KHDRBS2: variants seen among roughly 807,000 people sequenced by gnomAD.
KHDRBS2 encodes the protein KH RNA binding domain containing, signal transduction associated 2, also known as KH domain-containing, RNA-binding, signal transduction-associated protein 2.
Under a neutral mutation model 44.3 loss-of-function variants are expected in KHDRBS2, and 26 were observed. That is an observed-to-expected ratio of 0.59 (90% CI 0.43 to 0.81). The LOEUF (loss-of-function observed/expected upper bound fraction) is 0.81. Among genes scored for constraint, KHDRBS2 ranks in the 40% least tolerant of loss-of-function variants. KHDRBS2 has a pLI of 0.00. For missense variants in KHDRBS2, 476 were observed against 433.1 expected, an observed-to-expected ratio of 1.10 and a Z score of -0.88; for synonymous variants, 194 against 151.1, an observed-to-expected ratio of 1.28 and a Z score of -2.08.
At chr6:62,105,987 C>T (rs1263571996) in intron 2 of KHDRBS2, among the ~76,000 whole-genome samples, 1 of 151,852 alleles carries the variant, frequency 6.6e-6, no homozygotes, top group Non-Finnish European at 1.5e-5. Flanking sequence ...GTCTTTGTTC[C>T]CGTTGGTTTC....
At chr6:62,080,644 A>C (rs1258840567) in intron 2 of KHDRBS2, among the ~76,000 whole-genome samples, 3 of 152,126 alleles carry the variant, frequency 2.0e-5, no homozygotes, top group Non-Finnish European at 4.4e-5. Flanking sequence ...GTTCTAGATC[A>C]TCTCAATTTG....
chr6:62,276,646 A>C (rs2150193092), intron 1 of KHDRBS2, among the ~76,000 whole-genome samples: 1 of 152,240 alleles, frequency 6.6e-6, no homozygotes, highest in African/African-American at 2.4e-5. Flanking sequence ...CCCATTCATA[A>C]ATTTATTTGA....
At position 61,680,520 on chromosome 6, in the gene KHDRBS2, A is replaced by T. The variant is rs768706043; in HGVS notation, c.*443T>A. 1 of 152,556 alleles carries T rather than the reference A, an allele frequency of 6.6e-6. No homozygotes were observed. The highest frequency in any genetic ancestry group is 1.5e-5 in the Non-Finnish European group (1 of 68,156). The allele number at this position is 152,556 out of a possible 1,614,324, so 9.5% of individuals were successfully genotyped here. On this transcript the variant is annotated 3_prime_UTR_variant, in exon 9 of 9. Transcript: ENST00000281156. ...ATTAAAAGACAGGTTAAAACATCTT[A>T]TCTACAACTTTATTATCAGCTAGTT...
chr6:61,947,961 A>G (rs1268378937), intron 4 of KHDRBS2, among the ~76,000 whole-genome samples: 1 of 146,644 alleles, frequency 6.8e-6, no homozygotes, highest in Non-Finnish European at 1.5e-5. Context: ...ATAACAGAGG[A>G]ATGACAAATC....
the KHDRBS2 span, among the ~76,000 whole-genome samples, chr6:61,596,210 C>T: frequency 6.6e-6 from 1 of 152,130 alleles, no homozygotes; most frequent in African/African-American, 2.4e-5. Flanking sequence ...GCAGGCAGCC[C>T]TTACAGCTTC....
chr6:62,081,619 A>T (rs1417496266), intron 2 of KHDRBS2, among the ~76,000 whole-genome samples: 2 of 152,156 alleles, frequency 1.3e-5, no homozygotes, highest in Admixed American at 1.3e-4. Flanking sequence ...AGATCTTCCA[A>T]AATCAACAAA....
At chr6:61,956,465 C>G (rs1225943441) in intron 4 of KHDRBS2, among the ~76,000 whole-genome samples, 2 of 152,094 alleles carry the variant, frequency 1.3e-5, no homozygotes, top group African/African-American at 4.8e-5. Flanking sequence ...TAGGTCATCT[C>G]AAACACCTTC....
At chr6:61,808,388 G>A (rs1417983814) in intron 6 of KHDRBS2, among the ~76,000 whole-genome samples, 1 of 152,090 alleles carries the variant, frequency 6.6e-6, no homozygotes, top group African/African-American at 2.4e-5. Context: ...TATATGTTAG[G>A]TTATAAACAT....
the KHDRBS2 span, among the ~76,000 whole-genome samples, chr6:61,666,450 A>C: frequency 6.6e-6 from 1 of 151,246 alleles, no homozygotes; most frequent in African/African-American, 2.4e-5. Context: ...GGGAAATTTT[A>C]TTACCAAATA....
intron 6 of KHDRBS2, among the ~76,000 whole-genome samples, chr6:61,840,666 G>A (rs1028901667): frequency 1.3e-5 from 2 of 152,118 alleles, no homozygotes; most frequent in Non-Finnish European, 2.9e-5. Flanking sequence ...CATGTGTGAT[G>A]GCACATGCTA....
At chr6:61,981,230 A>G (rs565087649) in intron 3 of KHDRBS2, among the ~76,000 whole-genome samples, 32 of 152,210 alleles carry the variant, frequency 2.1e-4, no homozygotes, top group Non-Finnish European at 4.1e-4. Flanking sequence ...GTATATCAAA[A>G]GATTACTGAT....
chr6:62,168,189 G>T (rs778321361), intron 2 of KHDRBS2, among the ~76,000 whole-genome samples: 5 of 152,148 alleles, frequency 3.3e-5, no homozygotes, highest in Non-Finnish European at 5.9e-5. Context: ...AGGGGAATGT[G>T]GCTGCATTTG....
chr6:61,543,773 G>A, the KHDRBS2 span, among the ~76,000 whole-genome samples: 3,717 of 152,160 alleles, frequency 0.024, 70 homozygotes, highest in Middle Eastern at 0.085. Context: ...TCAGCTATAA[G>A]AAAGCATGAG....
intron 6 of KHDRBS2, among the ~76,000 whole-genome samples, chr6:61,885,681 A>G (rs1800840329): frequency 6.6e-6 from 1 of 152,138 alleles, no homozygotes. Context: ...TGCCCACTCT[A>G]CCACCATTTG....
At chr6:61,930,546 G>GGCT (rs1809838231) in intron 4 of KHDRBS2, among the ~76,000 whole-genome samples, 1 of 47,564 alleles carries the variant, frequency 2.1e-5, no homozygotes, top group Non-Finnish European at 4.3e-5. Flanking sequence ...AAAAAAAAAA[G>GGCT]AAAAAAAAAA....
At chr6:62,163,125 A>C (rs1391900322) in intron 2 of KHDRBS2, among the ~76,000 whole-genome samples, 2 of 152,044 alleles carry the variant, frequency 1.3e-5, no homozygotes, top group Admixed American at 1.3e-4. Context: ...AATACTATTA[A>C]GTTGCGTGGA....
chr6:62,038,224 A>C (rs1175329352), intron 3 of KHDRBS2, among the ~76,000 whole-genome samples: 6 of 151,962 alleles, frequency 3.9e-5, no homozygotes, highest in African/African-American at 1.4e-4. Flanking sequence ...CATTTTCCTC[A>C]GTGTTTTTGA....
At chr6:61,581,532 A>G in the KHDRBS2 span, among the ~76,000 whole-genome samples, 1 of 148,164 alleles carries the variant, frequency 6.7e-6, no homozygotes, top group African/African-American at 2.5e-5. Flanking sequence ...TATAGATTAT[A>G]ATATAATATA....
chr6:62,067,851 T>A (rs1274905855), intron 2 of KHDRBS2, among the ~76,000 whole-genome samples: 1 of 151,626 alleles, frequency 6.6e-6, no homozygotes, highest in Non-Finnish European at 1.5e-5. Context: ...TGGTTTTTCC[T>A]TTAGCTTACT....
Sources: allele counts gnomAD v4.1 joint callset (sites outside exome capture counted in the v4.1 genomes callset), GRCh38; gene constraint gnomAD v4.1.1; transcripts MANE v1.5; gene names NCBI Gene and HGNC (gene_info 2026-07-23, HGNC 2026-07-21).